Variants in URB1 observed in about 807,000 individuals in gnomAD.
URB1 encodes the protein URB1 ribosome biogenesis factor, also known as nucleolar pre-ribosomal-associated protein 1.
URB1 carries 197 observed loss-of-function variants against 242.3 expected under a neutral mutation model. That is an observed-to-expected ratio of 0.81 (90% CI 0.72 to 0.91). The LOEUF (loss-of-function observed/expected upper bound fraction) is 0.91. Ranked by LOEUF, URB1 falls within the 40% of genes least tolerant of loss-of-function variation. URB1 has a pLI of 0.00. For synonymous variants in URB1, 1,153 were observed against 1,201.8 expected, an observed-to-expected ratio of 0.96 and a Z score of 0.84; for missense variants, 2,721 against 2,860.5, an observed-to-expected ratio of 0.95 and a Z score of 1.11.
chr21:32,356,174 A>C (rs1397691829), intron 15 of URB1, among the ~76,000 whole-genome samples: 1 of 152,198 alleles, frequency 6.6e-6, no homozygotes, highest in Non-Finnish European at 1.5e-5. Flanking sequence ...TGAGCTCAGG[A>C]GCTTGAGATC....
intron 35 of URB1, among the ~76,000 whole-genome samples, chr21:32,319,694 C>T (rs111491497): frequency 6.6e-6 from 1 of 152,334 alleles, no homozygotes; most frequent in African/African-American, 2.4e-5. Flanking sequence ...AAACAAGACA[C>T]TATAAGCCAG....
chr21:32,366,727 C>A lies in URB1; in HGVS notation c.1226G>T (p.Arg409Leu), dbSNP rs992486086. Reference sequence around the variant, plus strand: ...TATAAACTCTCTGGTCTGAAATGCCCGGGAAATCTCCGGCTGAGCCTCATA... The same window carrying A: ...TATAAACTCTCTGGTCTGAAATGCCAGGGAAATCTCCGGCTGAGCCTCATA... ...KIYEAQPEIS[R>L]AFQTREFIPL... The change falls in exon 10 of 39, where the codon CGG (arginine) becomes CTG (leucine). Residue 409 changes from arginine (R) to leucine (L), a missense_variant. Arg to Leu is a moderately radical substitution (Grantham distance 102, BLOSUM62 -2). Transcript: ENST00000382751. 2.6e-6 allele frequency: 4 copies of A among 1,551,394 alleles called. No homozygotes were observed. The East Asian group carries it at 9.8e-5, about 38-fold the overall frequency.
At chr21:32,350,479 G>A (rs1392671732) in intron 20 of URB1, among the ~76,000 whole-genome samples, 1 of 152,232 alleles carries the variant, frequency 6.6e-6, no homozygotes, top group Non-Finnish European at 1.5e-5. Flanking sequence ...GCTCTGTCTT[G>A]ACCAGGCTGC....
At position 32,314,299 on chromosome 21, in the gene URB1, C is replaced by T. The variant is rs2032642617; in HGVS notation, c.*619G>A. On this transcript the variant is annotated 3_prime_UTR_variant, in exon 39 of 39. Coordinates refer to ENST00000382751, the MANE Select transcript of URB1 (RefSeq NM_014825.3). ...TCCCAGGTTCAAGCGATTCCCCTGC[C>T]TTAGCCTCCCGAGTAGCTGGAATTA... The T allele has an allele frequency of 4.9e-6, 2 of 407,126 alleles. No individual in the cohort carries two copies. The highest frequency in any genetic ancestry group is 3.5e-5 in the Admixed American group (1 of 28,340). The allele number at this position is 407,126 out of a possible 1,614,324, so 25.2% of individuals were successfully genotyped here. A position where few individuals can be genotyped will look rare whatever the true frequency, so the allele number is the denominator to read the frequency against.
At chr21:32,345,826 T>C (rs564763021) in intron 22 of URB1, among the ~76,000 whole-genome samples, 2 of 152,262 alleles carry the variant, frequency 1.3e-5, no homozygotes, top group Middle Eastern at 6.8e-3. Flanking sequence ...CAGGGGGCCC[T>C]GGCTATAGAC....
At chr21:32,371,173 G>A (rs1220907014) in intron 8 of URB1, among the ~76,000 whole-genome samples, 2 of 152,146 alleles carry the variant, frequency 1.3e-5, no homozygotes, top group Non-Finnish European at 1.5e-5. Context: ...TGTCTACTGG[G>A]GAACAGGGAA....
chr21:32,363,312 C>T lies in URB1; in HGVS notation c.1353G>A (p.Val451=). 1 of 1,551,526 alleles carries T rather than the reference C, an allele frequency of 6.4e-7. No individual in the cohort carries two copies. Among genetic ancestry groups the T allele is most frequent in the South Asian group, 1.2e-5 (1 of 84,046 alleles). The change falls in exon 11 of 39, where the codon GTG becomes GTA. Residue 451 remains valine (V), a synonymous_variant. Coordinates refer to ENST00000382751, the MANE Select transcript of URB1 (RefSeq NM_014825.3). ...AAATAAGGGATAAGGCTGTGTGCCT[C>T]ACTGAGGTGCTGTCCAACTGGGAAG... ...TQALNLDSTS[V]RHTALSLISV...
At chr21:32,361,771 C>T in intron 12 of URB1, 121 bp downstream of exon 12, 1 of 1,373,142 alleles carries the variant, frequency 7.3e-7, no homozygotes, top group South Asian at 1.6e-5. Flanking sequence ...CATTCACAGC[C>T]AGAGGTGCCT....
chr21:32,346,626 T>A (rs1009971562), intron 22 of URB1, among the ~76,000 whole-genome samples: 4 of 152,192 alleles, frequency 2.6e-5, no homozygotes, highest in African/African-American at 9.7e-5. Context: ...ATGGGATGGA[T>A]TGGCACCCAA....
intron 15 of URB1, among the ~76,000 whole-genome samples, chr21:32,356,687 T>A (rs1463735932): frequency 2.0e-5 from 3 of 152,200 alleles, no homozygotes; most frequent in South Asian, 2.1e-4. Context: ...GACTTGAATG[T>A]GCAGAAGTGA....
rs961550422 is a variant in URB1 at position 32,325,379 on chromosome 21, C to T, written c.4971G>A (p.Val1657=). 4 of 1,549,706 alleles carry T rather than the reference C, an allele frequency of 2.6e-6. No individual in the cohort carries two copies. Among genetic ancestry groups the T allele is most frequent in the Non-Finnish European group, 2.6e-6 (3 of 1,145,434 alleles). The change falls in exon 31 of 39, where the codon GTG becomes GTA. Residue 1657 remains valine (V), a synonymous_variant. Transcript: ENST00000382751. Reference sequence around the variant, plus strand: ...TTGAATCCAAAAATTTTCGACAATCCACCACAAACTCTGCAGGAAATGAAA... The same window carrying T: ...TTGAATCCAAAAATTTTCGACAATCTACCACAAACTCTGCAGGAAATGAAA... ...FSELTRPEFV[V]DCRKFLDSNA...
intron 19 of URB1, 50 bp from the exon 20 acceptor site, chr21:32,350,972 A>G (rs1214329928): frequency 1.3e-6 from 2 of 1,513,752 alleles, no homozygotes; most frequent in Non-Finnish European, 8.9e-7. Flanking sequence ...ATCACCACAG[A>G]TGAAAACGGT....
At position 32,344,698 on chromosome 21, in the gene URB1, C is replaced by A. The variant is rs753456198; in HGVS notation, c.4129G>T (p.Ala1377Ser). The A allele has an allele frequency of 6.4e-7, 1 of 1,552,264 alleles. No individual in the cohort carries two copies. The highest frequency in any genetic ancestry group is 8.7e-7 in the Non-Finnish European group (1 of 1,147,152). Residue 1377 changes from alanine (A) to serine (S), a missense_variant, in exon 24 of 39, where the codon GCC becomes TCC. Transcript: ENST00000382751. ...ALEGSAEELC[A>S]WRRTLLESCV... ...GACTCCAAAAGGGTCCTTCTCCAGG[C>A]ACACAGCTCTTCTGCTGACCCTTCC...
In URB1 at chr21:32,316,747, G is replaced by T. The variant is rs962318342; in HGVS notation, c.6353C>A (p.Ala2118Asp). The change falls in exon 38 of 39, where the codon GCT becomes GAT. Residue 2118 changes from alanine (A) to aspartate (D), a missense_variant. Transcript: ENST00000382751. Reference sequence around the variant, plus strand: ...CTTAAGCCAGCCAATGAGTCCTGCAGCCTCTGCCCTGCTGAGCGGGTGCTC... The same window carrying T: ...CTTAAGCCAGCCAATGAGTCCTGCATCCTCTGCCCTGCTGAGCGGGTGCTC... ...VAEHPLSRAE[A>D]AGLIGWLKSH... 8.5e-5 allele frequency: 132 copies of T among 1,551,146 alleles called. 1 individual carries two copies. The East Asian group carries it at 3.2e-3, about 38-fold the overall frequency.
rs556558768 is a variant in URB1, at chr21:32,390,694, G to A, written c.142+2075C>T. 3.3e-5 allele frequency among the ~76,000 whole-genome samples: 5 copies of A among 152,196 alleles called. No homozygotes were observed. The East Asian group carries it at 5.8e-4, about 18-fold the overall frequency. ...ACCATCTCACACCAATTAGAATGGC[G>A]ATCATTAAAAAGTCAGGAAACAACA... On this transcript the variant is annotated intron_variant, in intron 1 of 38. Coordinates refer to ENST00000382751, the MANE Select transcript of URB1 (RefSeq NM_014825.3).
At chr21:32,328,678 A>G (rs148405499) in intron 30 of URB1, among the ~76,000 whole-genome samples, 1 of 152,168 alleles carries the variant, frequency 6.6e-6, no homozygotes, top group African/African-American at 2.4e-5. Flanking sequence ...GCTGGCTGGG[A>G]TATTTTTAGT....
At chr21:32,392,633 A>G in intron 1 of URB1, 136 bp downstream of exon 1, 1 of 1,189,770 alleles carries the variant, frequency 8.4e-7, no homozygotes, top group Non-Finnish European at 1.1e-6. Context: ...CCTGAACCTC[A>G]GTTTTCTGCA....
chr21:32,359,453 A>T lies in URB1; in HGVS notation c.1869+343T>A, dbSNP rs2033260195. 2.6e-5 allele frequency among the ~76,000 whole-genome samples: 4 copies of T among 152,218 alleles called. No homozygotes were observed. In the South Asian group the frequency reaches 8.3e-4, roughly 31 times the overall value. ...TCATCTCGTCTTTAATTCTTCCAGGATGAGGACAAAAGAAAAGGAATGTAT... is the reference window on the plus strand; with the variant it reads ...TCATCTCGTCTTTAATTCTTCCAGGTTGAGGACAAAAGAAAAGGAATGTAT... On this transcript the variant is annotated intron_variant, in intron 14 of 38. Transcript: ENST00000382751.
chr21:32,361,913 C>T lies in URB1; in HGVS notation c.1618G>A (p.Ala540Thr). 1 of 1,551,342 alleles carries T rather than the reference C, an allele frequency of 6.4e-7. No homozygotes were observed. Among genetic ancestry groups the T allele is most frequent in the Non-Finnish European group, 8.7e-7 (1 of 1,146,814 alleles). The change falls in exon 12 of 39, where the codon GCC becomes ACC. Residue 540 changes from alanine to threonine, a missense_variant. Ala to Thr is a moderately conservative substitution (Grantham distance 58, BLOSUM62 0). Coordinates refer to ENST00000382751, the MANE Select transcript of URB1 (RefSeq NM_014825.3). Reference sequence around the variant, plus strand: ...TTACCGCACTGGTGAGCATCGCAGGCAGCCGGGGGCCCATCGCTCCTTTTC... The same window carrying T: ...TTACCGCACTGGTGAGCATCGCAGGTAGCCGGGGGCCCATCGCTCCTTTTC... ...GQKRSDGPPA[A>T]CDAHQCDDAE...
Sources: allele counts gnomAD v4.1 joint callset (sites outside exome capture counted in the v4.1 genomes callset), GRCh38; gene constraint gnomAD v4.1.1; transcripts MANE v1.5; gene names NCBI Gene and HGNC (gene_info 2026-07-23, HGNC 2026-07-21).